The following FBXL2 variants were observed in gnomAD, a reference collection of about 807,000 sequenced individuals.
The protein encoded by FBXL2 is F-box and leucine rich repeat protein 2.
A neutral mutation model predicts 69.2 loss-of-function variants in FBXL2; 38 were observed. The ratio of observed to expected loss-of-function variants is 0.55; its 90% CI spans 0.42 to 0.72. The LOEUF (loss-of-function observed/expected upper bound fraction) is 0.72, where lower values mean the gene tolerates loss of function less well. Among genes scored for constraint, FBXL2 ranks in the 30% least tolerant of loss-of-function variants. The pLI, the probability that FBXL2 is intolerant of heterozygous loss-of-function variation, is 0.00. For missense variants in FBXL2, 354 were observed against 520.3 expected (o/e 0.68, Z 3.11); for synonymous variants, 192 against 201.3 (o/e 0.95, Z 0.39).
rs1159712282 is a variant in FBXL2, at chr3:33,386,564, C to CA, written c.*957dup. The CA allele has an allele frequency of 1.3e-5, 2 of 151,556 alleles. No individual in the cohort carries two copies. Among genetic ancestry groups the CA allele is most frequent in the Admixed American group, 1.3e-4 (2 of 15,224 alleles). 9.4% of individuals were successfully genotyped at this position (151,556 alleles called of 1,614,324 possible). ...TCAAAAGTTTTACACACTTAAAACT[C>CA]AGATCAGTAAGTGTTGGTACCTTTT... is the stretch of plus-strand genomic sequence containing the variant. On this transcript the variant is annotated 3_prime_UTR_variant, in exon 15 of 15. Transcript: ENST00000484457.
chr3:33,373,923 T>C lies in FBXL2; in HGVS notation c.657+2T>C. ...AGCCTCAACTTGCAGTCCTGCTCAG[T>C]AAGTAGCGTGCCTTTCCTGAACACT... On this transcript the variant is annotated splice_donor_variant, in intron 9 of 14. Transcript: ENST00000484457. LOFTEE classifies it high-confidence loss of function. The C allele has an allele frequency of 6.2e-7, 1 of 1,614,006 alleles. No homozygotes were observed. The highest frequency in any genetic ancestry group is 1.1e-5 in the South Asian group (1 of 91,092).
chr3:33,310,439 C>T (rs1041295894), intron 2 of FBXL2, among the ~76,000 whole-genome samples: 3 of 152,176 alleles, frequency 2.0e-5, no homozygotes, highest in African/African-American at 7.2e-5. Context: ...AGGCGTGAGC[C>T]ACCATGCCCT....
chr3:33,319,431 A>C (rs2125789764), intron 2 of FBXL2, among the ~76,000 whole-genome samples: 1 of 152,340 alleles, frequency 6.6e-6, no homozygotes, highest in East Asian at 1.9e-4. Context: ...ACTTTAAGAA[A>C]TAATTATGGA....
intron 2 of FBXL2, among the ~76,000 whole-genome samples, chr3:33,323,494 G>A (rs2038408096): frequency 6.6e-6 from 1 of 152,020 alleles, no homozygotes; most frequent in South Asian, 2.1e-4. Context: ...ATTGTGTGAT[G>A]TTCCCCTCCC....
chr3:33,364,206 A>G (rs1249728298), intron 4 of FBXL2: 2 of 178,136 alleles, frequency 1.1e-5, no homozygotes, highest in Non-Finnish European at 2.4e-5. Context: ...TGCTTAGCTC[A>G]AGTAGGATTT....
At chr3:33,400,054 G>A (rs2044163151) in intron 12 of FBXL2, 1 of 491,196 alleles carries the variant, frequency 2.0e-6, no homozygotes, top group Non-Finnish European at 3.4e-6. Context: ...TAGATATAAA[G>A]AACTTCTCTG....
chr3:33,314,917 C>A (rs1472258919), intron 2 of FBXL2, among the ~76,000 whole-genome samples: 1 of 152,078 alleles, frequency 6.6e-6, no homozygotes, highest in African/African-American at 2.4e-5. Flanking sequence ...TGCCAAGTAC[C>A]CTTGTCTGAA....
At chr3:33,328,952 A>T (rs1210918670) in intron 2 of FBXL2, among the ~76,000 whole-genome samples, 1 of 152,158 alleles carries the variant, frequency 6.6e-6, no homozygotes, top group African/African-American at 2.4e-5. Flanking sequence ...AACCCACAGA[A>T]TGGGACTAAA....
chr3:33,291,011 C>A (rs1388738825), intron 1 of FBXL2, among the ~76,000 whole-genome samples: 1 of 151,914 alleles, frequency 6.6e-6, no homozygotes, highest in African/African-American at 2.4e-5. Context: ...CCGACTATAG[C>A]CTTAATGTCC....
the FBXL2 span, chr3:33,411,752 A>C: frequency 7.9e-7 from 1 of 1,273,518 alleles, no homozygotes; most frequent in South Asian, 1.2e-5. Context: ...CTTACAACTT[A>C]CTATATTATG....
At chr3:33,294,700 G>A (rs1021649080) in intron 1 of FBXL2, among the ~76,000 whole-genome samples, 2 of 151,972 alleles carry the variant, frequency 1.3e-5, no homozygotes, top group Non-Finnish European at 2.9e-5. Context: ...AAAACTAGCT[G>A]GGTGTAGTGG....
intron 13 of FBXL2, among the ~76,000 whole-genome samples, chr3:33,379,412 T>G (rs1452923857): frequency 6.6e-6 from 1 of 152,182 alleles, no homozygotes; most frequent in Admixed American, 6.5e-5. Flanking sequence ...TGGACTGCAG[T>G]GGCGCGACCT....
chr3:33,354,342 C>T (rs1306484022), intron 2 of FBXL2, among the ~76,000 whole-genome samples: 1 of 151,768 alleles, frequency 6.6e-6, no homozygotes, highest in Admixed American at 6.6e-5. Context: ...AGTGAAACCC[C>T]GTCTCTACTA....
intron 2 of FBXL2, among the ~76,000 whole-genome samples, chr3:33,330,176 A>G (rs1302982405): frequency 6.6e-6 from 1 of 151,806 alleles, no homozygotes; most frequent in Non-Finnish European, 1.5e-5. Flanking sequence ...CCAGCTACTG[A>G]GGAGGCTGAG....
intron 2 of FBXL2, among the ~76,000 whole-genome samples, chr3:33,354,901 A>G (rs2041090140): frequency 6.6e-6 from 1 of 152,248 alleles, no homozygotes; most frequent in African/African-American, 2.4e-5. Context: ...GGGTCAGTAT[A>G]TGAAAATTAA....
At chr3:33,343,984 C>T (rs1432931286) in intron 2 of FBXL2, among the ~76,000 whole-genome samples, 3 of 151,386 alleles carry the variant, frequency 2.0e-5, no homozygotes, top group Non-Finnish European at 4.4e-5. Flanking sequence ...ACAATCTGTT[C>T]TACATAGCAG....
At chr3:33,363,622 G>A (rs1429532084) in intron 4 of FBXL2, among the ~76,000 whole-genome samples, 1 of 152,160 alleles carries the variant, frequency 6.6e-6, no homozygotes, top group Admixed American at 6.5e-5. Flanking sequence ...GTCATTAATA[G>A]TCGTGCTTGG....
chr3:33,290,290 T>C (rs1175172004), intron 1 of FBXL2, among the ~76,000 whole-genome samples: 2 of 152,202 alleles, frequency 1.3e-5, no homozygotes, highest in African/African-American at 4.8e-5. Context: ...TTAAAAGGAT[T>C]GAGCCTCCAC....
At chr3:33,405,923 G>T (rs910634585), downstream of FBXL2, among the ~76,000 whole-genome samples, 2 of 152,108 alleles carry the variant, frequency 1.3e-5, no homozygotes, top group Non-Finnish European at 2.9e-5. Context: ...TGGATACATG[G>T]AAAATAATCT....
Sources: gnomAD v4.1 joint callset for allele counts (sites outside exome capture counted in the v4.1 genomes callset) on GRCh38, gnomAD v4.1.1 for gene constraint, MANE v1.5 for transcripts, NCBI Gene and HGNC (gene_info 2026-07-23, HGNC 2026-07-21) for gene names.